KCNN2: variants seen among roughly 807,000 people sequenced by gnomAD.
KCNN2 encodes potassium calcium-activated channel subfamily N member 2, also known as small conductance calcium-activated potassium channel protein 2.
In KCNN2, 24 loss-of-function variants were observed where a neutral mutation model predicts 55.5. That is an observed-to-expected ratio of 0.43 (90% CI 0.31 to 0.61). The LOEUF (loss-of-function observed/expected upper bound fraction) is 0.61, where lower values mean the gene tolerates loss of function less well. Among genes scored for constraint, KCNN2 ranks in the 20% least tolerant of loss-of-function variants. The pLI, the probability that KCNN2 is intolerant of heterozygous loss-of-function variation, is 0.08. For missense variants in KCNN2, 754 were observed against 853.6 expected (o/e 0.88, Z 1.45); for synonymous variants, 431 against 336.1 (o/e 1.28, Z -3.09).
At chr5:114,212,683 A>C (rs889530200) in intron 1 of KCNN2, among the ~76,000 whole-genome samples, 3 of 152,060 alleles carry the variant, frequency 2.0e-5, no homozygotes, top group Non-Finnish European at 4.4e-5. Flanking sequence ...TCTGAAGACC[A>C]AAATGACTGG....
At chr5:114,431,513 A>C (rs1228841899) in intron 3 of KCNN2, among the ~76,000 whole-genome samples, 4 of 151,942 alleles carry the variant, frequency 2.6e-5, no homozygotes, top group Admixed American at 2.6e-4. Flanking sequence ...CAATTTTATT[A>C]ATCTTTTCAA....
intron 2 of KCNN2, among the ~76,000 whole-genome samples, chr5:114,355,055 T>C (rs1231298068): frequency 1.3e-5 from 2 of 152,200 alleles, no homozygotes; most frequent in East Asian, 3.9e-4. Context: ...TTACATTTAA[T>C]TTAACTTAGC....
intron 1 of KCNN2, among the ~76,000 whole-genome samples, chr5:114,176,836 C>T (rs1378740343): frequency 2.0e-5 from 3 of 152,088 alleles, no homozygotes; most frequent in African/African-American, 7.2e-5. Context: ...TTTATTTTTT[C>T]ACCAAACAAA....
intron 2 of KCNN2, among the ~76,000 whole-genome samples, chr5:114,233,495 C>T (rs972420120): frequency 6.6e-6 from 1 of 152,136 alleles, no homozygotes; most frequent in Admixed American, 6.5e-5. Context: ...AACACTCTCT[C>T]CTGATCATTT....
At chr5:114,273,118 C>G (rs1380619033) in intron 2 of KCNN2, among the ~76,000 whole-genome samples, 1 of 152,118 alleles carries the variant, frequency 6.6e-6, no homozygotes, top group East Asian at 1.9e-4. Flanking sequence ...TGAGTGAGAA[C>G]ACATGGTGTT....
intron 2 of KCNN2, among the ~76,000 whole-genome samples, chr5:114,352,473 TCA>T (rs1757224579): frequency 6.6e-6 from 1 of 151,396 alleles, no homozygotes; most frequent in Non-Finnish European, 1.5e-5. Context: ...TCTTCTTTTC[TCA>T]TAAAGTAATA....
chr5:114,272,161 C>T (rs898129498), intron 2 of KCNN2, among the ~76,000 whole-genome samples: 2 of 152,116 alleles, frequency 1.3e-5, no homozygotes, highest in African/African-American at 4.8e-5. Context: ...CATTCTCTAT[C>T]TGCCACCAAT....
At chr5:114,338,203 A>C (rs566389298) in intron 2 of KCNN2, among the ~76,000 whole-genome samples, 1 of 152,342 alleles carries the variant, frequency 6.6e-6, no homozygotes, top group South Asian at 2.1e-4. Flanking sequence ...CAAATTATTC[A>C]AATGCTATTT....
intron 2 of KCNN2, among the ~76,000 whole-genome samples, chr5:114,260,820 T>A (rs4590173): frequency 0.86 from 130,418 of 152,212 alleles, 55,959 homozygotes; most frequent in East Asian, 0.94. Context: ...TTCATTTGCA[T>A]ATGTAAAATG....
chr5:114,332,204 A>G (rs1481182015), intron 2 of KCNN2, among the ~76,000 whole-genome samples: 1 of 152,204 alleles, frequency 6.6e-6, no homozygotes, highest in Non-Finnish European at 1.5e-5. Context: ...ATCAGGGTTG[A>G]GTAGAAAAGG....
chr5:114,364,637 A>G (rs1019875224), intron 2 of KCNN2, among the ~76,000 whole-genome samples: 1 of 146,672 alleles, frequency 6.8e-6, no homozygotes, highest in Non-Finnish European at 1.5e-5. Context: ...TTTTGAAAAT[A>G]TTTCTTTTGT....
chr5:114,373,658 A>ATATATATATATATATATAT (rs1554084191), intron 2 of KCNN2, among the ~76,000 whole-genome samples: 120 of 104,384 alleles, frequency 1.1e-3, no homozygotes, highest in Non-Finnish European at 1.6e-3. Flanking sequence ...ATATATATAT[A>ATATATATATATATATATAT]AAATTACTTG....
At chr5:114,143,176 T>G (rs1005973046) in intron 1 of KCNN2, among the ~76,000 whole-genome samples, 22 of 152,066 alleles carry the variant, frequency 1.4e-4, no homozygotes, top group African/African-American at 5.1e-4. Flanking sequence ...AAATTTAGGG[T>G]CATTTGATTA....
chr5:114,264,981 T>G (rs1046818199), intron 2 of KCNN2, among the ~76,000 whole-genome samples: 1 of 152,200 alleles, frequency 6.6e-6, no homozygotes, highest in African/African-American at 2.4e-5. Context: ...ACCATTTAAT[T>G]TTTTTGTTAT....
chr5:114,467,909 C>T (rs745559771), intron 4 of KCNN2, among the ~76,000 whole-genome samples: 2 of 152,068 alleles, frequency 1.3e-5, no homozygotes, highest in Non-Finnish European at 2.9e-5. Flanking sequence ...AGATTTAAAC[C>T]GAGGGATGAT....
rs191159060 is a variant in KCNN2 at position 114,152,063 on chromosome 5, G to A, written c.-270-69417G>A. On this transcript the variant is annotated intron_variant, in intron 1 of 10. Coordinates refer to the KCNN2 transcript ENST00000512097. ...ATTTCTTCTTAAATATTAAAAATAC[G>A]ATGTTAAAACTAGGAATTTGAAGCT... Among the ~76,000 whole-genome samples the A allele has an allele frequency of 2.5e-3, 379 of 152,144 alleles. 1 individual carries two copies. The highest frequency in any genetic ancestry group is 1.7e-3 in the Non-Finnish European group (118 of 68,006).
At chr5:114,279,314 T>A (rs932494376) in intron 2 of KCNN2, among the ~76,000 whole-genome samples, 11 of 152,230 alleles carry the variant, frequency 7.2e-5, no homozygotes, top group Middle Eastern at 3.4e-3. Flanking sequence ...CTTTTTTTTT[T>A]ATTATACTTT....
At chr5:114,141,350 A>G (rs1580549643) in intron 1 of KCNN2, among the ~76,000 whole-genome samples, 2 of 151,490 alleles carry the variant, frequency 1.3e-5, no homozygotes, top group East Asian at 1.9e-4. Flanking sequence ...TCATTGTTCA[A>G]TTCCCACCTA....
At chr5:114,206,777 C>A (rs1271177525) in intron 1 of KCNN2, among the ~76,000 whole-genome samples, 1 of 139,320 alleles carries the variant, frequency 7.2e-6, no homozygotes, top group Admixed American at 7.3e-5. Flanking sequence ...TTTTTTTTGT[C>A]CAGGGAGTAG....
Sources: allele counts gnomAD v4.1 joint callset (sites outside exome capture counted in the v4.1 genomes callset), GRCh38; gene constraint gnomAD v4.1.1; transcripts MANE v1.5; gene names NCBI Gene and HGNC (gene_info 2026-07-23, HGNC 2026-07-21).